The following GRID2 variants were observed in gnomAD, a reference collection of about 807,000 sequenced individuals.
GRID2 encodes the protein glutamate receptor ionotropic, delta-2.
Under a neutral mutation model 114.8 loss-of-function variants are expected in GRID2, and 33 were observed. The ratio of observed to expected loss-of-function variants is 0.29; its 90% CI spans 0.22 to 0.38. GRID2 has a LOEUF of 0.38. GRID2 is among the 10% of genes least tolerant of loss of function. GRID2 has a pLI of 1.00. For missense variants in GRID2, 1,184 were observed against 1,257.7 expected (o/e 0.94, Z 0.89); for synonymous variants, 505 against 449.9 (o/e 1.12, Z -1.55).
intron 1 of GRID2, among the ~76,000 whole-genome samples, chr4:92,419,048 G>C (rs564347372): frequency 6.6e-6 from 1 of 151,998 alleles, no homozygotes; most frequent in Admixed American, 6.6e-5. Flanking sequence ...AAGCTTAAAA[G>C]CTTAATTTGC....
rs187482384 is a variant in GRID2, at chr4:93,452,677, T to A, written c.1546-2985T>A. On this transcript the variant is annotated intron_variant, in intron 10 of 15. Coordinates refer to ENST00000282020, the MANE Select transcript of GRID2 (RefSeq NM_001510.4). ...GGTTGGAACACAGAAATAAGTATGA[T>A]TTTTAATCTCCCATCTTCTATGTTC... Among the ~76,000 whole-genome samples the A allele has an allele frequency of 3.5e-4, 54 of 152,216 alleles. 1 individual carries two copies. The highest frequency in any genetic ancestry group is 1.1e-3 in the African/African-American group (47 of 41,552).
chr4:92,678,663 A>C (rs1456653059), intron 2 of GRID2, among the ~76,000 whole-genome samples: 2 of 151,916 alleles, frequency 1.3e-5, no homozygotes, highest in East Asian at 3.9e-4. Context: ...AAAAAACCTT[A>C]GATTCAGGGA....
chr4:93,027,416 C>G (rs115081394), intron 2 of GRID2, among the ~76,000 whole-genome samples: 2 of 152,006 alleles, frequency 1.3e-5, no homozygotes, highest in African/African-American at 4.8e-5. Context: ...AAGATTAAAG[C>G]AAGTAATATA....
chr4:92,698,808 C>G (rs999472763), intron 2 of GRID2, among the ~76,000 whole-genome samples: 1 of 151,950 alleles, frequency 6.6e-6, no homozygotes, highest in African/African-American at 2.4e-5. Flanking sequence ...TTCTTATATT[C>G]ATCATAAGCC....
chr4:93,291,840 A>G (rs1215916965), intron 8 of GRID2, among the ~76,000 whole-genome samples: 1 of 152,050 alleles, frequency 6.6e-6, no homozygotes, highest in East Asian at 1.9e-4. Flanking sequence ...GATGTTTTGA[A>G]ATATATATAT....
At chr4:92,867,670 T>TG (rs1332035952) in intron 2 of GRID2, among the ~76,000 whole-genome samples, 2 of 152,092 alleles carry the variant, frequency 1.3e-5, no homozygotes, top group African/African-American at 4.8e-5. Context: ...TTTTAACACT[T>TG]GGTTGCTCAA....
intron 1 of GRID2, among the ~76,000 whole-genome samples, chr4:92,534,590 C>G (rs1381476624): frequency 6.6e-6 from 1 of 152,124 alleles, no homozygotes; most frequent in African/African-American, 2.4e-5. Context: ...TTAAGTGTTA[C>G]TATGTTCTCT....
intron 11 of GRID2, among the ~76,000 whole-genome samples, chr4:93,487,786 C>T (rs1443065413): frequency 2.6e-5 from 4 of 151,842 alleles, no homozygotes; most frequent in African/African-American, 9.7e-5. Flanking sequence ...TTTACTGCCT[C>T]TTTAGCTCTG....
intron 1 of GRID2, among the ~76,000 whole-genome samples, chr4:92,437,274 A>G (rs774453246): frequency 6.6e-5 from 10 of 152,134 alleles, no homozygotes; most frequent in Admixed American, 2.6e-4. Flanking sequence ...TTCTCTAGGA[A>G]TGCTTATTTT....
chr4:93,133,870 A>G (rs1385454500), intron 4 of GRID2, among the ~76,000 whole-genome samples: 1 of 152,232 alleles, frequency 6.6e-6, no homozygotes, highest in Non-Finnish European at 1.5e-5. Flanking sequence ...GATCTTCTAT[A>G]ATGATGTGGC....
At chr4:92,831,517 A>T (rs534357951) in intron 2 of GRID2, among the ~76,000 whole-genome samples, 1 of 149,994 alleles carries the variant, frequency 6.7e-6, no homozygotes, top group African/African-American at 2.5e-5. Flanking sequence ...TCAAACCTGC[A>T]TGGCTTTGAG....
At chr4:92,796,271 ATCTTGGGGT>A (rs959135592) in intron 2 of GRID2, among the ~76,000 whole-genome samples, 1 of 151,906 alleles carries the variant, frequency 6.6e-6, no homozygotes, top group Admixed American at 6.6e-5. Flanking sequence ...AAGTATTGAA[ATCTTGGGGT>A]TCTGGGTGGC....
chr4:92,754,347 C>T (rs1441024074), intron 2 of GRID2, among the ~76,000 whole-genome samples: 1 of 152,038 alleles, frequency 6.6e-6, no homozygotes, highest in Non-Finnish European at 1.5e-5. Flanking sequence ...CCATGAGAAG[C>T]ATGATACCAA....
At chr4:92,717,095 G>T (rs1156938215) in intron 2 of GRID2, among the ~76,000 whole-genome samples, 1 of 152,186 alleles carries the variant, frequency 6.6e-6, no homozygotes, top group Non-Finnish European at 1.5e-5. Context: ...TTAATACGCA[G>T]TTGTTGAATG....
At chr4:93,282,117 A>G (rs1001899772) in intron 8 of GRID2, among the ~76,000 whole-genome samples, 1 of 152,058 alleles carries the variant, frequency 6.6e-6, no homozygotes. Flanking sequence ...ATTCTTTAAT[A>G]TGAGCTCTGG....
At chr4:92,737,443 T>A (rs941492312) in intron 2 of GRID2, among the ~76,000 whole-genome samples, 1 of 152,120 alleles carries the variant, frequency 6.6e-6, no homozygotes, top group African/African-American at 2.4e-5. Context: ...CTACTAAGAA[T>A]ACTCATTTAT....
intron 2 of GRID2, among the ~76,000 whole-genome samples, chr4:92,797,082 C>T (rs115017211): frequency 9.3e-4 from 142 of 151,998 alleles, no homozygotes; most frequent in Non-Finnish European, 1.7e-3. Flanking sequence ...TCCAGGCCTC[C>T]GTTTATAGTG....
chr4:92,444,399 GT>G, intron 1 of GRID2, among the ~76,000 whole-genome samples: 1 of 147,124 alleles, frequency 6.8e-6, no homozygotes, highest in Non-Finnish European at 1.5e-5. Flanking sequence ...GCGGGCAGGA[GT>G]GGGGGTCACA....
intron 1 of GRID2, among the ~76,000 whole-genome samples, chr4:92,445,424 T>C (rs1457098568): frequency 1.3e-5 from 2 of 152,232 alleles, no homozygotes; most frequent in Non-Finnish European, 2.9e-5. Context: ...GTTTATATTA[T>C]TTGTTTGAAA....
Sources: gnomAD v4.1 joint callset for allele counts (sites outside exome capture counted in the v4.1 genomes callset) on GRCh38, gnomAD v4.1.1 for gene constraint, MANE v1.5 for transcripts, NCBI Gene and HGNC (gene_info 2026-07-23, HGNC 2026-07-21) for gene names.